Variants in TAFA2 observed in about 807,000 individuals in gnomAD.
TAFA2 encodes TAFA chemokine like family member 2.
TAFA2 carries 7 observed loss-of-function variants against 18.8 expected under a neutral mutation model. That is an observed-to-expected ratio of 0.37 (90% CI 0.21 to 0.70). The LOEUF (loss-of-function observed/expected upper bound fraction) is 0.70, where lower values mean the gene tolerates loss of function less well. TAFA2 is among the 30% of genes least tolerant of loss of function. The pLI is 0.53. For missense variants in TAFA2, 122 were observed against 158.1 expected (o/e 0.77, Z 1.23); for synonymous variants, 60 against 54.2 (o/e 1.11, Z -0.47).
intron 2 of TAFA2, among the ~76,000 whole-genome samples, chr12:61,798,746 T>C (rs1003861871): frequency 6.6e-6 from 1 of 152,220 alleles, no homozygotes; most frequent in Non-Finnish European, 1.5e-5. Context: ...ACTATCAAAA[T>C]GCAAAGTTCT....
At chr12:62,126,059 G>T (rs1028197934) in intron 1 of TAFA2, among the ~76,000 whole-genome samples, 1 of 152,026 alleles carries the variant, frequency 6.6e-6, no homozygotes, top group East Asian at 1.9e-4. Flanking sequence ...TTGAAAACCA[G>T]TTGTCTTAGT....
intron 1 of TAFA2, among the ~76,000 whole-genome samples, chr12:62,245,725 T>C (rs1459968655): frequency 2.1e-5 from 3 of 140,402 alleles, no homozygotes; most frequent in Non-Finnish European, 4.6e-5. Context: ...TTATTTATAA[T>C]ACATATAGAT....
At chr12:62,041,159 A>T (rs938136758) in intron 1 of TAFA2, among the ~76,000 whole-genome samples, 2 of 152,196 alleles carry the variant, frequency 1.3e-5, no homozygotes, top group Non-Finnish European at 2.9e-5. Flanking sequence ...GCCTGCAGGC[A>T]TTATGTTATT....
At chr12:61,899,315 C>T (rs148194764) in intron 1 of TAFA2, among the ~76,000 whole-genome samples, 2,663 of 152,180 alleles carry the variant, frequency 0.017, 81 homozygotes, top group African/African-American at 0.059. Context: ...GTGCCCCACT[C>T]TTGGTACCAA....
At chr12:62,237,085 T>C (rs1212817028) in intron 1 of TAFA2, among the ~76,000 whole-genome samples, 1 of 152,216 alleles carries the variant, frequency 6.6e-6, no homozygotes, top group Non-Finnish European at 1.5e-5. Context: ...ATGACTCTTA[T>C]ATTTTTCTCT....
intron 1 of TAFA2, among the ~76,000 whole-genome samples, chr12:62,208,534 T>C (rs1283861770): frequency 6.6e-6 from 1 of 152,088 alleles, no homozygotes; most frequent in African/African-American, 2.4e-5. Context: ...TTTCTGCAAC[T>C]TGGTAGGCAG....
intron 1 of TAFA2, among the ~76,000 whole-genome samples, chr12:62,024,146 A>G (rs902052971): frequency 1.1e-4 from 17 of 152,116 alleles, no homozygotes; most frequent in African/African-American, 4.1e-4. Context: ...CATCCCAACA[A>G]AATCTGGTAT....
At chr12:61,732,754 TGC>T (rs1007722678) in intron 4 of TAFA2, among the ~76,000 whole-genome samples, 1 of 151,278 alleles carries the variant, frequency 6.6e-6, no homozygotes, top group Non-Finnish European at 1.5e-5. Context: ...TGTGTGTGTG[TGC>T]GTGCGTGCGT....
chr12:62,171,612 G>A (rs909100334), intron 1 of TAFA2, among the ~76,000 whole-genome samples: 1 of 152,132 alleles, frequency 6.6e-6, no homozygotes, highest in African/African-American at 2.4e-5. Context: ...TTTTCACCAT[G>A]TGAGGACACA....
At chr12:61,845,483 T>C (rs1873365349) in intron 2 of TAFA2, among the ~76,000 whole-genome samples, 1 of 152,180 alleles carries the variant, frequency 6.6e-6, no homozygotes, top group South Asian at 2.1e-4. Context: ...GTGACACAGT[T>C]ACCTTGAAAC....
chr12:61,738,322 C>CAA (rs1565756806), intron 4 of TAFA2, among the ~76,000 whole-genome samples: 6 of 147,330 alleles, frequency 4.1e-5, no homozygotes, highest in Non-Finnish European at 6.1e-5. Flanking sequence ...CACACACACA[C>CAA]ACACACAAAC....
intron 1 of TAFA2, among the ~76,000 whole-genome samples, chr12:62,072,701 A>G (rs1882663680): frequency 6.6e-6 from 1 of 152,096 alleles, no homozygotes; most frequent in African/African-American, 2.4e-5. Flanking sequence ...TAGAAGAATC[A>G]TCTGAGCCTG....
chr12:61,968,256 C>T (rs1565699699), intron 1 of TAFA2, among the ~76,000 whole-genome samples: 3 of 151,670 alleles, frequency 2.0e-5, no homozygotes, highest in African/African-American at 7.2e-5. Context: ...ACCTACATAG[C>T]GTATCTTCCA....
chr12:61,908,798 G>A lies in TAFA2; in HGVS notation c.-1-41372C>T, dbSNP rs116692183. On this transcript the variant is annotated intron_variant, in intron 1 of 4. Transcript: ENST00000416284. ...AGCAACATAAACATGGTTTTTGCCT[G>A]TATCTAAGAATGACAGGAGAACTAT... Among the ~76,000 whole-genome samples, 740 of 152,220 alleles carry A rather than the reference G, an allele frequency of 4.9e-3. 6 individuals carry two copies. The highest frequency in any genetic ancestry group is 0.017 in the African/African-American group (714 of 41,554).
At chr12:61,733,755 G>T (rs1375915527) in intron 4 of TAFA2, among the ~76,000 whole-genome samples, 1 of 152,024 alleles carries the variant, frequency 6.6e-6, no homozygotes, top group Non-Finnish European at 1.5e-5. Flanking sequence ...TGGCGATGCT[G>T]GCTCTTTTTT....
intron 1 of TAFA2, among the ~76,000 whole-genome samples, chr12:62,066,683 ATG>A (rs1188203617): frequency 7.2e-5 from 11 of 152,082 alleles, no homozygotes. Flanking sequence ...TTCATTGTGT[ATG>A]TGTACCACAT....
At chr12:61,897,407 C>T (rs550732958) in intron 1 of TAFA2, among the ~76,000 whole-genome samples, 3 of 152,088 alleles carry the variant, frequency 2.0e-5, no homozygotes, top group Non-Finnish European at 4.4e-5. Flanking sequence ...CTATAAAGAA[C>T]TGCCCAAGAC....
rs2062402859 is a variant in TAFA2 at position 62,160,912 on chromosome 12, C to G, written c.-2+30347G>C. Among the ~76,000 whole-genome samples the G allele has an allele frequency of 2.6e-5, 4 of 151,876 alleles. No homozygotes were observed. The South Asian group carries it at 8.3e-4, about 32-fold the overall frequency. On this transcript the variant is annotated intron_variant, in intron 1 of 4. Coordinates refer to ENST00000416284, the MANE Select transcript of TAFA2 (RefSeq NM_178539.5). ...GAGCTGTGGGAGAGACTCCAGCCAC[C>G]CAAGACTCCAAAGTGGAATAAGTGA...
intron 1 of TAFA2, chr12:62,105,076 T>A (rs35115655): frequency 0.24 from 43,558 of 184,148 alleles, 5,546 homozygotes; most frequent in East Asian, 0.39. Flanking sequence ...TTTTGTTTTC[T>A]ACAGAGAGAA....
Sources: gnomAD v4.1 joint callset for allele counts (sites outside exome capture counted in the v4.1 genomes callset) on GRCh38, gnomAD v4.1.1 for gene constraint, MANE v1.5 for transcripts, NCBI Gene and HGNC (gene_info 2026-07-23, HGNC 2026-07-21) for gene names.